The following CTNND2 variants were observed in gnomAD, a reference collection of about 807,000 sequenced individuals.
The protein encoded by CTNND2 is catenin delta 2, also known as catenin delta-2.
A neutral mutation model predicts 144.4 loss-of-function variants in CTNND2; 22 were observed. The observed-to-expected ratio is 0.15, with a 90% CI of 0.11 to 0.22. The LOEUF (loss-of-function observed/expected upper bound fraction) is 0.22, where lower values mean the gene tolerates loss of function less well. Among genes scored for constraint, CTNND2 ranks in the 10% least tolerant of loss-of-function variants. The probability of loss-of-function intolerance (pLI) is 1.00; values close to 1 mark genes in which losing one functional copy is unlikely to be tolerated. For missense variants in CTNND2, 1,353 were observed against 1,618.8 expected, an observed-to-expected ratio of 0.84 and a Z score of 2.82; for synonymous variants, 751 against 695.6, an observed-to-expected ratio of 1.08 and a Z score of -1.25.
intron 2 of CTNND2, among the ~76,000 whole-genome samples, chr5:11,688,580 T>C (rs935893083): frequency 2.0e-5 from 3 of 152,206 alleles, no homozygotes; most frequent in Non-Finnish European, 4.4e-5. Context: ...GCATGGGTTA[T>C]CTAAATCTGT....
chr5:11,855,884 T>A (rs1429934360), intron 1 of CTNND2, among the ~76,000 whole-genome samples: 1 of 152,192 alleles, frequency 6.6e-6, no homozygotes, highest in Non-Finnish European at 1.5e-5. Context: ...CCCTAAGCCA[T>A]CAACTCCAAG....
chr5:11,002,212 T>C (rs1342855367), intron 18 of CTNND2, among the ~76,000 whole-genome samples: 2 of 152,236 alleles, frequency 1.3e-5, no homozygotes, highest in Non-Finnish European at 1.5e-5. Context: ...TCTGGATGGG[T>C]CACCTTGTGG....
intron 11 of CTNND2, among the ~76,000 whole-genome samples, chr5:11,188,257 T>C (rs1735857659): frequency 6.6e-6 from 1 of 152,116 alleles, no homozygotes; most frequent in African/African-American, 2.4e-5. Context: ...ATATATACCA[T>C]AGAATACTAT....
chr5:11,221,711 G>T (rs2149867083), intron 10 of CTNND2, among the ~76,000 whole-genome samples: 1 of 152,292 alleles, frequency 6.6e-6, no homozygotes, highest in East Asian at 1.9e-4. Context: ...GAGAACGTCT[G>T]GAAGGGAAAA....
intron 11 of CTNND2, among the ~76,000 whole-genome samples, chr5:11,174,280 T>A (rs761299242): frequency 5.9e-5 from 9 of 152,132 alleles, no homozygotes; most frequent in African/African-American, 1.4e-4. Context: ...AGCATTTAAA[T>A]GGTATTTAAA....
At chr5:11,744,589 C>A (rs534259905) in intron 1 of CTNND2, among the ~76,000 whole-genome samples, 2 of 152,196 alleles carry the variant, frequency 1.3e-5, no homozygotes, top group Admixed American at 1.3e-4. Context: ...ATGCAGGGAG[C>A]ACTGGCGTGA....
At chr5:11,279,354 C>T (rs1196602585) in intron 9 of CTNND2, among the ~76,000 whole-genome samples, 1 of 152,276 alleles carries the variant, frequency 6.6e-6, no homozygotes, top group African/African-American at 2.4e-5. Flanking sequence ...CTATATTCAA[C>T]CCATCAACAC....
chr5:11,068,733 G>T (rs1420502045), intron 16 of CTNND2, among the ~76,000 whole-genome samples: 16 of 152,126 alleles, frequency 1.1e-4, no homozygotes, highest in Non-Finnish European at 1.5e-5. Flanking sequence ...GGCTAACACG[G>T]TGAAACCCCG....
chr5:11,274,093 T>C (rs1746285193), intron 9 of CTNND2, among the ~76,000 whole-genome samples: 1 of 152,190 alleles, frequency 6.6e-6, no homozygotes, highest in Non-Finnish European at 1.5e-5. Flanking sequence ...CACGCTGAAC[T>C]GAAAACCTTA....
intron 1 of CTNND2, among the ~76,000 whole-genome samples, chr5:11,827,446 G>A (rs1793661530): frequency 6.6e-6 from 1 of 151,876 alleles, no homozygotes; most frequent in Admixed American, 6.6e-5. Flanking sequence ...AACAAAGATA[G>A]AAATCAATGA....
At chr5:11,688,021 A>T (rs1784734718) in intron 2 of CTNND2, among the ~76,000 whole-genome samples, 1 of 152,142 alleles carries the variant, frequency 6.6e-6, no homozygotes, top group South Asian at 2.1e-4. Flanking sequence ...ACTGGAACCG[A>T]ATTTTGCCTG....
At chr5:11,546,111 G>C (rs188920695) in intron 3 of CTNND2, among the ~76,000 whole-genome samples, 34 of 152,236 alleles carry the variant, frequency 2.2e-4, no homozygotes, top group African/African-American at 8.2e-4. Context: ...TACAGAATGG[G>C]CACATAGACA....
chr5:11,898,321 G>T (rs1176135096), intron 1 of CTNND2, among the ~76,000 whole-genome samples: 4 of 152,060 alleles, frequency 2.6e-5, no homozygotes, highest in African/African-American at 9.7e-5. Flanking sequence ...ACCTTTCTGT[G>T]GTTTATGTAA....
At chr5:11,834,356 T>C (rs547160133) in intron 1 of CTNND2, among the ~76,000 whole-genome samples, 10 of 152,330 alleles carry the variant, frequency 6.6e-5, no homozygotes, top group Admixed American at 2.6e-4. Flanking sequence ...ATTCTAATTT[T>C]TCTTCCCTAG....
At chr5:11,146,800 C>T (rs1306958908) in intron 12 of CTNND2, among the ~76,000 whole-genome samples, 3 of 152,104 alleles carry the variant, frequency 2.0e-5, no homozygotes, top group African/African-American at 2.4e-5. Context: ...CAAATTGATG[C>T]GGTGGTTTCA....
chr5:11,668,859 G>C (rs910562985), intron 2 of CTNND2, among the ~76,000 whole-genome samples: 1 of 152,130 alleles, frequency 6.6e-6, no homozygotes, highest in African/African-American at 2.4e-5. Context: ...CTAAGGGAAT[G>C]CTTCCAGTTT....
At chr5:11,518,600 T>C (rs937476152) in intron 3 of CTNND2, among the ~76,000 whole-genome samples, 2 of 152,184 alleles carry the variant, frequency 1.3e-5, no homozygotes, top group African/African-American at 4.8e-5. Flanking sequence ...CCCTGCATGG[T>C]TTAAGTGTCT....
At position 11,110,945 on chromosome 5, in the gene CTNND2, C is replaced by T. The variant is rs769477501; in HGVS notation, c.2376G>A (p.Gly792=). 1 of 1,614,152 alleles carries T rather than the reference C, an allele frequency of 6.2e-7. No homozygotes were observed. The highest frequency in any genetic ancestry group is 8.5e-7 in the Non-Finnish European group (1 of 1,180,026). Residue 792 remains glycine, a synonymous_variant, in exon 14 of 22, where the codon GGG becomes GGA. Coordinates refer to ENST00000304623, the MANE Select transcript of CTNND2 (RefSeq NM_001332.4). ...TGCCATTGGCCTCGCCACAGAGTAG[C>T]CCGTCCAGCTCGTCCGTGCCCATGT... ...GQHMGTDELD[G]LLCGEANGKD... is the part of the protein sequence containing the mutation.
chr5:10,986,324 A>ATGAT (rs1737949204), intron 20 of CTNND2, among the ~76,000 whole-genome samples: 1 of 152,238 alleles, frequency 6.6e-6, no homozygotes, highest in Non-Finnish European at 1.5e-5. Flanking sequence ...GGCCTTTTGA[A>ATGAT]TGATTCTCTT....
Sources: allele counts gnomAD v4.1 joint callset (sites outside exome capture counted in the v4.1 genomes callset), GRCh38; gene constraint gnomAD v4.1.1; transcripts MANE v1.5; gene names NCBI Gene and HGNC (gene_info 2026-07-23, HGNC 2026-07-21).